The following ARHGAP18 variants were observed in gnomAD, a reference collection of about 807,000 sequenced individuals.
ARHGAP18 encodes the protein Rho GTPase activating protein 18.
ARHGAP18 carries 67 observed loss-of-function variants against 86.2 expected under a neutral mutation model. The observed-to-expected ratio is 0.78, with a 90% confidence interval of 0.64 to 0.95. The LOEUF (loss-of-function observed/expected upper bound fraction) is 0.95. Ranked by LOEUF, ARHGAP18 falls within the 40% of genes least tolerant of loss-of-function variation. The pLI, the probability that ARHGAP18 is intolerant of heterozygous loss-of-function variation, is 0.00. For synonymous variants in ARHGAP18, 283 were observed against 280.4 expected (o/e 1.01, Z -0.09); for missense variants, 691 against 780.4 (o/e 0.89, Z 1.37).
At position 129,579,822 on chromosome 6, in the gene ARHGAP18, A is replaced by C. The variant is rs77206796; in HGVS notation, c.1900+248T>G. Among the ~76,000 whole-genome samples, 904 of 152,304 alleles carry C rather than the reference A, an allele frequency of 5.9e-3. 2 individuals are homozygous for C. Among genetic ancestry groups the C allele is most frequent in the Non-Finnish European group, 8.4e-3 (572 of 68,020 alleles). ...AACTTGCATCATTAACCATTCCAGGAGTTATTCTTACTGTATAGGGAACTT... is the reference window on the plus strand; with the variant it reads ...AACTTGCATCATTAACCATTCCAGGCGTTATTCTTACTGTATAGGGAACTT... On this transcript the variant is annotated intron_variant, in intron 14 of 14. Transcript: ENST00000368149.
At position 129,576,853 on chromosome 6, in the gene ARHGAP18, G is replaced by T. The variant is rs1788187534; in HGVS notation, c.*1660C>A. On this transcript the variant is annotated 3_prime_UTR_variant, in exon 15 of 15. Coordinates refer to ENST00000368149, the MANE Select transcript of ARHGAP18 (RefSeq NM_033515.3). ...GCTAATTGGGAAATTAATACATATT[G>T]TCAAAGAAACAGACTAAACTGTATT... 1 of 151,826 alleles carries T rather than the reference G, an allele frequency of 6.6e-6. No individual in the cohort carries two copies. The highest frequency in any genetic ancestry group is 2.1e-4 in the South Asian group (1 of 4,820). The allele number at this position is 151,826 out of a possible 1,614,324, so 9.4% of individuals were successfully genotyped here. A position where few individuals can be genotyped will look rare whatever the true frequency, so the allele number is the denominator to read the frequency against.
rs1273893465 is a variant in ARHGAP18 at position 129,618,828 on chromosome 6, T to C, written c.811A>G (p.Thr271Ala). 1.9e-6 allele frequency: 3 copies of C among 1,612,604 alleles called. No individual in the cohort carries two copies. In the Admixed American group the frequency reaches 5.0e-5, roughly 27 times the overall value. ...AGGTCACCAATCCTTGTGGTACCCGTTTTGTCTTTTGGCAATCTGAAACTC... is the reference window on the plus strand; with the variant it reads ...AGGTCACCAATCCTTGTGGTACCCGCTTTGTCTTTTGGCAATCTGAAACTC... ...LPSFRLPKDK[T>A]GTTRIGDLAP... Residue 271 changes from threonine (T) to alanine (A), a missense_variant, in exon 6 of 15, where the codon ACG (threonine) becomes GCG (alanine). By Grantham distance (58) the Thr-to-Ala change is moderately conservative. Coordinates refer to ENST00000368149, the MANE Select transcript of ARHGAP18 (RefSeq NM_033515.3).
rs1267045195 is a variant in ARHGAP18 at position 129,641,981 on chromosome 6, T to A, written c.151A>T (p.Thr51Ser). The change falls in exon 2 of 15, where the codon ACC (threonine) becomes TCC (serine). Residue 51 changes from threonine (T) to serine (S), a missense_variant. Thr to Ser is a moderately conservative substitution (Grantham distance 58). Transcript: ENST00000368149. Reference protein sequence around the residue: ...YGQYTMNQESTTIKVMEKPPF... With the variant: ...YGQYTMNQESSTIKVMEKPPF... ...GGCTTCTCCATAACTTTGATGGTGG[T>A]GCTTTCCTGGTTCATAGTGTACTGG... 1 of 1,614,040 alleles carries A rather than the reference T, an allele frequency of 6.2e-7. No individual in the cohort carries two copies. The highest frequency in any genetic ancestry group is 1.3e-5 in the African/African-American group (1 of 75,060).
intron 1 of ARHGAP18, among the ~76,000 whole-genome samples, chr6:129,657,441 A>C (rs1053378513): frequency 2.6e-5 from 4 of 151,924 alleles, no homozygotes; most frequent in African/African-American, 9.7e-5. Context: ...AAAAAAAAAA[A>C]AAAACAACTT....
At chr6:129,594,439 A>G (rs1237518317) in intron 12 of ARHGAP18, among the ~76,000 whole-genome samples, 1 of 152,012 alleles carries the variant, frequency 6.6e-6, no homozygotes, top group Non-Finnish European at 1.5e-5. Context: ...CCATACTTAA[A>G]CATTGGAATC....
At chr6:129,669,740 A>C (rs1774109388) in intron 1 of ARHGAP18, among the ~76,000 whole-genome samples, 1 of 151,764 alleles carries the variant, frequency 6.6e-6, no homozygotes, top group African/African-American at 2.4e-5. Context: ...AGCCGAGATC[A>C]TGCCACTGCA....
At chr6:129,596,433 T>C (rs893686670) in intron 12 of ARHGAP18, among the ~76,000 whole-genome samples, 25 of 152,300 alleles carry the variant, frequency 1.6e-4, no homozygotes, top group African/African-American at 5.5e-4. Context: ...CTCAACTTAA[T>C]AGTGCCAGGG....
chr6:129,621,062 T>C (rs1038645234), intron 5 of ARHGAP18, among the ~76,000 whole-genome samples: 1 of 152,214 alleles, frequency 6.6e-6, no homozygotes, highest in Non-Finnish European at 1.5e-5. Context: ...GAAAAAGATA[T>C]TTATGTTAAC....
At chr6:129,671,494 T>C (rs1774139837) in intron 1 of ARHGAP18, among the ~76,000 whole-genome samples, 1 of 151,670 alleles carries the variant, frequency 6.6e-6, no homozygotes, top group South Asian at 2.1e-4. Context: ...AGCCTGGGGG[T>C]TCAAGATCAG....
chr6:129,588,083 C>T (rs1451732149), intron 12 of ARHGAP18, among the ~76,000 whole-genome samples: 1 of 152,006 alleles, frequency 6.6e-6, no homozygotes, highest in Non-Finnish European at 1.5e-5. Flanking sequence ...GCTACAGGCC[C>T]CACACAAGTC....
Position 129,642,066 on chromosome 6 carries a change from A to C in ARHGAP18, c.114-48T>G, listed in dbSNP as rs763102789. The C allele has an allele frequency of 9.0e-6, 14 of 1,556,944 alleles. No homozygotes were observed. In the South Asian group the frequency reaches 1.5e-4, roughly 16 times the overall value. On this transcript the variant is annotated intron_variant, in intron 1 of 14. Transcript: ENST00000368149. ...GGTTTATTTTAGTACAAAAGGAAGC[A>C]GTATAATTTCTAAGACATCACAGCA...
intron 1 of ARHGAP18, among the ~76,000 whole-genome samples, chr6:129,707,072 A>T: frequency 6.6e-6 from 1 of 151,674 alleles, no homozygotes; most frequent in Non-Finnish European, 1.5e-5. Flanking sequence ...ACTAAAAAAA[A>T]AAAATACAAA....
At chr6:129,703,012 AAAG>A (rs1021894349) in intron 1 of ARHGAP18, among the ~76,000 whole-genome samples, 4 of 152,188 alleles carry the variant, frequency 2.6e-5, no homozygotes, top group African/African-American at 7.2e-5. Context: ...ACAAAAAAAA[AAAG>A]AAGAAGAAAA....
intron 7 of ARHGAP18, among the ~76,000 whole-genome samples, chr6:129,614,379 G>A (rs1789047618): frequency 6.6e-6 from 1 of 152,100 alleles, no homozygotes. Flanking sequence ...AAACAGATGA[G>A]TGTTATCTAC....
intron 8 of ARHGAP18, among the ~76,000 whole-genome samples, chr6:129,610,295 A>G (rs1056387792): frequency 1.3e-5 from 2 of 152,184 alleles, no homozygotes; most frequent in African/African-American, 4.8e-5. Context: ...GGGTAATTCC[A>G]TCTTTATCAT....
chr6:129,608,122 A>G, intron 8 of ARHGAP18, 70 bp from the exon 9 acceptor site: 1 of 1,451,748 alleles, frequency 6.9e-7, no homozygotes, highest in African/African-American at 1.4e-5. Flanking sequence ...TCTTGCTGAG[A>G]GTATGACACA....
At chr6:129,655,317 C>T (rs78313295) in intron 1 of ARHGAP18, among the ~76,000 whole-genome samples, 1 of 75,090 alleles carries the variant, frequency 1.3e-5, no homozygotes, top group African/African-American at 4.8e-5. Flanking sequence ...AAAACTCTCT[C>T]AAAAAAAAAA....
At chr6:129,676,858 C>T (rs1398389594) in intron 1 of ARHGAP18, among the ~76,000 whole-genome samples, 1 of 145,588 alleles carries the variant, frequency 6.9e-6, no homozygotes, top group Non-Finnish European at 1.5e-5. Context: ...AAAGTAATAT[C>T]CTTGAAAATT....
chr6:129,580,242 A>C, intron 13 of ARHGAP18, 111 bp from the exon 14 acceptor site: 1 of 879,354 alleles, frequency 1.1e-6, no homozygotes, highest in Non-Finnish European at 1.8e-6. Flanking sequence ...TAACTTAGAC[A>C]CACTGTAATT....
Sources: allele counts gnomAD v4.1 joint callset (sites outside exome capture counted in the v4.1 genomes callset), GRCh38; gene constraint gnomAD v4.1.1; transcripts MANE v1.5; gene names NCBI Gene and HGNC (gene_info 2026-07-23, HGNC 2026-07-21).